ENOX1: variants seen among roughly 807,000 people sequenced by gnomAD.
ENOX1 encodes the protein ecto-NOX disulfide-thiol exchanger 1.
Under a neutral mutation model 82.5 loss-of-function variants are expected in ENOX1, and 42 were observed. That is an observed-to-expected ratio of 0.51 (90% CI 0.40 to 0.66). The LOEUF (loss-of-function observed/expected upper bound fraction) is 0.66, where lower values mean the gene tolerates loss of function less well. ENOX1 is among the 30% of genes least tolerant of loss of function. The probability of loss-of-function intolerance (pLI) is 0.00; values close to 1 mark genes in which losing one functional copy is unlikely to be tolerated. For missense variants in ENOX1, 608 were observed against 811.6 expected, an observed-to-expected ratio of 0.75 and a Z score of 3.05; for synonymous variants, 271 against 282.2, an observed-to-expected ratio of 0.96 and a Z score of 0.40.
chr13:43,515,206 GTC>G (rs1357013620), intron 2 of ENOX1, among the ~76,000 whole-genome samples: 15 of 152,254 alleles, frequency 9.9e-5, no homozygotes, highest in Admixed American at 3.3e-4. Context: ...CTTTGGCAAT[GTC>G]TCTCAAAAAT....
intron 2 of ENOX1, among the ~76,000 whole-genome samples, chr13:43,584,884 A>G (rs1335320414): frequency 1.3e-5 from 2 of 152,198 alleles, no homozygotes; most frequent in Non-Finnish European, 2.9e-5. Context: ...CGCAGGCAAG[A>G]AGGAGATACC....
At chr13:43,441,661 C>T (rs572649997) in intron 3 of ENOX1, among the ~76,000 whole-genome samples, 2 of 151,212 alleles carry the variant, frequency 1.3e-5, no homozygotes, top group African/African-American at 4.9e-5. Flanking sequence ...CCTACCTGCC[C>T]GAAGGCGGCA....
intron 2 of ENOX1, among the ~76,000 whole-genome samples, chr13:43,557,389 G>A (rs545138997): frequency 2.0e-5 from 3 of 152,252 alleles, no homozygotes; most frequent in African/African-American, 7.2e-5. Flanking sequence ...ACAATTTCAG[G>A]AAAGGGGCAC....
intron 3 of ENOX1, among the ~76,000 whole-genome samples, chr13:43,450,848 A>T (rs2056928458): frequency 1.3e-5 from 2 of 152,300 alleles, no homozygotes; most frequent in South Asian, 4.2e-4. Context: ...TCCCAAGTCC[A>T]CAAGGCCCCA....
At chr13:43,604,629 A>G (rs888094057) in intron 2 of ENOX1, among the ~76,000 whole-genome samples, 3 of 152,106 alleles carry the variant, frequency 2.0e-5, no homozygotes, top group Non-Finnish European at 2.9e-5. Context: ...ACATTGATTC[A>G]TTTGCCTATG....
At chr13:43,473,659 G>GA (rs1392493736) in intron 3 of ENOX1, among the ~76,000 whole-genome samples, 1 of 152,146 alleles carries the variant, frequency 6.6e-6, no homozygotes, top group Non-Finnish European at 1.5e-5. Flanking sequence ...AGAAGCTAAA[G>GA]AAAAAATTAA....
chr13:43,464,370 T>C (rs2057626201), intron 3 of ENOX1, among the ~76,000 whole-genome samples: 1 of 151,816 alleles, frequency 6.6e-6, no homozygotes, highest in South Asian at 2.1e-4. Context: ...GTTGAGGAGC[T>C]TGCATTTAGT....
intron 2 of ENOX1, among the ~76,000 whole-genome samples, chr13:43,627,948 T>C (rs2083037705): frequency 6.6e-6 from 1 of 152,136 alleles, no homozygotes; most frequent in African/African-American, 2.4e-5. Context: ...TTATTCTGGG[T>C]TTCATTGTTT....
chr13:43,468,433 G>A (rs1474481472), intron 3 of ENOX1, among the ~76,000 whole-genome samples: 3 of 151,596 alleles, frequency 2.0e-5, no homozygotes, highest in Admixed American at 6.6e-5. Flanking sequence ...TGCCCGCCTC[G>A]GCCTCCCAAA....
chr13:43,215,129 T>C (rs2041402699), intron 16 of ENOX1, among the ~76,000 whole-genome samples: 1 of 152,166 alleles, frequency 6.6e-6, no homozygotes, highest in African/African-American at 2.4e-5. Context: ...TGTAGAGATA[T>C]CATTTTAGAG....
intron 2 of ENOX1, among the ~76,000 whole-genome samples, chr13:43,539,845 A>G (rs1359185589): frequency 6.6e-6 from 1 of 152,180 alleles, no homozygotes; most frequent in Non-Finnish European, 1.5e-5. Context: ...TTATTAACTA[A>G]AACTTTGAGA....
At chr13:43,373,362 T>G (rs1205834886) in intron 5 of ENOX1, among the ~76,000 whole-genome samples, 1 of 152,178 alleles carries the variant, frequency 6.6e-6, no homozygotes, top group Admixed American at 6.5e-5. Context: ...CCCCAGGACC[T>G]AAGATATTTT....
intron 1 of ENOX1, among the ~76,000 whole-genome samples, chr13:43,675,106 T>C (rs1209285274): frequency 6.6e-6 from 1 of 152,156 alleles, no homozygotes; most frequent in Admixed American, 6.6e-5. Flanking sequence ...CTTGTCATTA[T>C]GTGTTCTACA....
At chr13:43,593,698 ACAC>A (rs2081344986) in intron 2 of ENOX1, among the ~76,000 whole-genome samples, 1 of 143,266 alleles carries the variant, frequency 7.0e-6, no homozygotes, top group Admixed American at 7.2e-5. Context: ...ACACACACAC[ACAC>A]ACACACACAC....
intron 5 of ENOX1, among the ~76,000 whole-genome samples, chr13:43,378,208 C>T (rs1040256577): frequency 6.6e-6 from 1 of 152,150 alleles, no homozygotes; most frequent in African/African-American, 2.4e-5. Context: ...CATATGATTG[C>T]CCCAGCTTAT....
chr13:43,382,635 G>A (rs985628302), intron 5 of ENOX1, among the ~76,000 whole-genome samples: 4 of 152,276 alleles, frequency 2.6e-5, no homozygotes, highest in African/African-American at 9.6e-5. Flanking sequence ...AAGGGGGTCT[G>A]AGTAGGTAGG....
At chr13:43,277,424 A>G (rs1237917213) in intron 12 of ENOX1, among the ~76,000 whole-genome samples, 4 of 152,188 alleles carry the variant, frequency 2.6e-5, no homozygotes, top group Admixed American at 1.3e-4. Flanking sequence ...AGAGGTCAAG[A>G]TAATGAACCC....
chr13:43,372,577 C>T (rs984177252), intron 5 of ENOX1, among the ~76,000 whole-genome samples: 2 of 152,110 alleles, frequency 1.3e-5, no homozygotes, highest in Admixed American at 1.3e-4. Context: ...TCCCATGCCT[C>T]AGGGGAATAC....
intron 5 of ENOX1, among the ~76,000 whole-genome samples, chr13:43,373,050 A>G (rs868617824): frequency 1.3e-5 from 2 of 152,224 alleles, no homozygotes; most frequent in Non-Finnish European, 2.9e-5. Context: ...GGTACAGAGT[A>G]AGCACTCAAC....
Sources: allele counts gnomAD v4.1 joint callset (sites outside exome capture counted in the v4.1 genomes callset), GRCh38; gene constraint gnomAD v4.1.1; transcripts MANE v1.5; gene names NCBI Gene and HGNC (gene_info 2026-07-23, HGNC 2026-07-21).